Variants in NEB observed in about 807,000 individuals in gnomAD.
NEB encodes nemaline myopathy type 2.
NEB carries 512 observed loss-of-function variants against 952.2 expected under a neutral mutation model. The ratio of observed to expected loss-of-function variants is 0.54; its 90% CI spans 0.50 to 0.58. The LOEUF (loss-of-function observed/expected upper bound fraction) is 0.58, where lower values mean the gene tolerates loss of function less well. Ranked by LOEUF, NEB falls within the 20% of genes least tolerant of loss-of-function variation. The pLI is 0.00. For missense variants in NEB, 8,428 were observed against 9,231.1 expected (o/e 0.91, Z 3.56); for synonymous variants, 2,900 against 3,149.8 (o/e 0.92, Z 2.66).
At chr2:151,651,104 A>G (rs1189854389) in intron 52 of NEB, among the ~76,000 whole-genome samples, 1 of 152,028 alleles carries the variant, frequency 6.6e-6, no homozygotes, top group Non-Finnish European at 1.5e-5. Flanking sequence ...CCTTGTTTTC[A>G]TGTTTGTTTT....
intron 171 of NEB, 33 bp from the exon 172 acceptor site, chr2:151,497,066 CATGAGT>C: frequency 6.5e-7 from 1 of 1,545,576 alleles, no homozygotes; most frequent in East Asian, 2.4e-5. Flanking sequence ...GAAAAACAAC[CATGAGT>C]AACATTTCAT....
Position 151,514,828 on chromosome 2 carries a change from A to G in NEB, c.23006T>C (p.Ile7669Thr), listed in dbSNP as rs1198455162. ...CCAAGTGGGCACTACCTCGCTTGCT[A>G]TTTTAGTTGCATATTTGACATGTAA... ...ALLHVKYATK[I>T]ASEKEYRKDL... Residue 7669 changes from isoleucine (I) to threonine (T), a missense_variant, in exon 158 of 182, where the codon ATA becomes ACA. By Grantham distance (89) the Ile-to-Thr change is moderately conservative. Transcript: ENST00000397345. 1.5e-5 allele frequency: 23 copies of G among 1,573,002 alleles called. No homozygotes were observed. Among genetic ancestry groups the G allele is most frequent in the Admixed American group, 3.7e-5 (2 of 53,926 alleles).
chr2:151,564,355 G>A (rs775092132), intron 117 of NEB, among the ~76,000 whole-genome samples: 3 of 151,850 alleles, frequency 2.0e-5, no homozygotes, highest in Non-Finnish European at 2.9e-5. Context: ...GGGTTTCACC[G>A]TGTTGGCCAA....
chr2:151,706,547 G>T (rs75880964), intron 13 of NEB, among the ~76,000 whole-genome samples: 2 of 152,108 alleles, frequency 1.3e-5, no homozygotes. Flanking sequence ...GTCTCCTTCT[G>T]CTTCTGTCAA....
chr2:151,656,004 T>G lies in NEB; in HGVS notation c.6515A>C (p.Tyr2172Ser), dbSNP rs774357985. The G allele has an allele frequency of 2.5e-6, 4 of 1,613,480 alleles. No homozygotes were observed. In the African/African-American group the frequency reaches 5.3e-5, roughly 22 times the overall value. ...IQSDNEYKQD[Y>S]NEWYKGLGWS... The stretch of plus-strand genomic sequence containing the variant: ...GCCAAGCCCTTTGTACCATTCATTG[T>G]AATCTTGCTTATATTCATTCTATAA... Residue 2172 changes from tyrosine to serine, a missense_variant, in exon 50 of 182, where the codon TAC (tyrosine) becomes TCC (serine). This residue lies in a region of NEB where 2,851 missense variants were observed against 2,791.5 expected (regional missense o/e 1.02). Transcript: ENST00000397345.
chr2:151,669,160 A>G, intron 38 of NEB, 29 bp from the exon 39 acceptor site: 2 of 1,385,932 alleles, frequency 1.4e-6, no homozygotes, highest in Non-Finnish European at 2.0e-6. Context: ...GCATGCACAT[A>G]TCATTAGCTG....
rs1177278436 is a variant in NEB, at chr2:151,493,451, G to GA, written c.24673-7dup. 4 of 1,557,796 alleles carry GA rather than the reference G, an allele frequency of 2.6e-6. No individual in the cohort carries two copies. The Admixed American group carries it at 5.8e-5, about 23-fold the overall frequency. ...ATGTTCTCTTTGTACAATACCTAGG[G>GA]AAGCCAAAAGAGCATCTAGGCATCA... On this transcript the variant is annotated splice_region_variant and splice_polypyrimidine_tract_variant and intron_variant, in intron 175 of 181. Transcript: ENST00000397345.
chr2:151,649,421 ATCC>A (rs2099004393), intron 54 of NEB, among the ~76,000 whole-genome samples: 2 of 152,268 alleles, frequency 1.3e-5, no homozygotes, highest in South Asian at 4.1e-4. Context: ...ATATATTCAG[ATCC>A]TCCTAAGACC....
At position 151,547,467 on chromosome 2, in the gene NEB, C is replaced by T; in HGVS notation, c.20329G>A (p.Val6777Met). 6.2e-7 allele frequency: 1 copy of T among 1,607,470 alleles called. No homozygotes were observed. Among genetic ancestry groups the T allele is most frequent in the Non-Finnish European group, 8.5e-7 (1 of 1,177,174 alleles). ...TCTCCCACATAGCGGCAATGGATCA[C>T]TTGGGGTGTGTATGGCAGAGAGATC... is the stretch of plus-strand genomic sequence containing the variant. ...HMISLPYTPQVIHCRYVGDIT... is the reference protein window; with the variant it reads ...HMISLPYTPQMIHCRYVGDIT... The change falls in exon 133 of 182, where the codon GTG (valine) becomes ATG (methionine). Residue 6777 changes from valine (V) to methionine (M), a missense_variant. By Grantham distance (21) the Val-to-Met change is conservative. Coordinates refer to ENST00000397345, the MANE Select transcript of NEB (RefSeq NM_001164508.2).
In NEB at chr2:151,614,589, T is replaced by C; in HGVS notation, c.11290-2A>G. On this transcript the variant is annotated splice_acceptor_variant, in intron 76 of 181. Coordinates refer to ENST00000397345, the MANE Select transcript of NEB (RefSeq NM_001164508.2). LOFTEE classifies it high-confidence loss of function. ...GCGGTAGCCTTCCTTGTACTTGTAC[T>C]AAAAAAATAGAGATATGAGTATAAT... 1.2e-6 allele frequency: 2 copies of C among 1,609,940 alleles called. No individual in the cohort carries two copies. The highest frequency in any genetic ancestry group is 1.1e-5 in the South Asian group (1 of 90,890).
At chr2:151,577,020 A>G (rs2096891195) in intron 105 of NEB, among the ~76,000 whole-genome samples, 1 of 152,232 alleles carries the variant, frequency 6.6e-6, no homozygotes, top group South Asian at 2.1e-4. Flanking sequence ...GAGGGACTGC[A>G]TGGAAGACTT....
rs2288200 is a variant in NEB at position 151,547,704 on chromosome 2, T to A, written c.20192A>T (p.Asp6731Val). ...GGTATCGGGAGTTGTATGGATCTTG[T>A]CTTTCAGTTTGTGGTACAATTCCCG... ...LYRELYHKLK[D>V]KIHTTPDTPE... Residue 6731 changes from aspartate to valine, a missense_variant, in exon 132 of 182, where the codon GAC becomes GTC. Transcript: ENST00000397345. The A allele has an allele frequency of 0.017, 27,229 of 1,613,510 alleles. 1,437 individuals carry two copies. Among genetic ancestry groups the A allele is most frequent in the East Asian group, 0.14 (6,210 of 44,796 alleles).
rs1351713453 is a variant in NEB at position 151,644,416 on chromosome 2, T to C, written c.7644+52A>G. 16 of 1,494,426 alleles carry C rather than the reference T, an allele frequency of 1.1e-5. No individual in the cohort carries two copies. In the Middle Eastern group the frequency reaches 8.6e-4, roughly 80 times the overall value. The allele number at this position is 1,494,426 out of a possible 1,614,324, so 92.6% of individuals were successfully genotyped here. ...AATTTAAAATTAAATTGAGACTGCTTTGAAGTGATAAATTGCAATCAAATC... is the reference window on the plus strand; with the variant it reads ...AATTTAAAATTAAATTGAGACTGCTCTGAAGTGATAAATTGCAATCAAATC... On this transcript the variant is annotated intron_variant, in intron 56 of 181. Transcript: ENST00000397345.
At chr2:151,523,739 A>G (rs1262051226) in intron 153 of NEB, among the ~76,000 whole-genome samples, 1 of 152,194 alleles carries the variant, frequency 6.6e-6, no homozygotes, top group Non-Finnish European at 1.5e-5. Context: ...GATCTGCAAG[A>G]ATGTGGCATT....
intron 135 of NEB, among the ~76,000 whole-genome samples, chr2:151,543,300 A>C (rs910627513): frequency 2.8e-4 from 42 of 152,374 alleles, no homozygotes; most frequent in African/African-American, 7.9e-4. Flanking sequence ...GATAAAACGT[A>C]AGAAACACAG....
intron 120 of NEB, 24 bp downstream of exon 120, chr2:151,562,587 C>A: frequency 6.5e-7 from 1 of 1,534,858 alleles, no homozygotes; most frequent in South Asian, 1.3e-5. Flanking sequence ...GTAGCTGAGT[C>A]AAGCTGCAGA....
chr2:151,501,165 A>AAAAG (rs1211614066), intron 168 of NEB, among the ~76,000 whole-genome samples: 1 of 152,204 alleles, frequency 6.6e-6, no homozygotes, highest in Non-Finnish European at 1.5e-5. Context: ...CATAAAGATG[A>AAAAG]AAAGAGAAGG....
Position 151,687,432 on chromosome 2 carries a change from T to C in NEB, c.2624A>G (p.Lys875Arg). ...PKMLHSLKTA[K>R]NQSDREYRKD... ...AAAGACACTCACATCACTCTGGTTT[T>C]TGGCTGTCTTCAAGGAGTGCAGCAT... is the stretch of plus-strand genomic sequence containing the variant. Residue 875 changes from lysine to arginine, a missense_variant, in exon 27 of 182, where the codon AAA becomes AGA. By Grantham distance (26) the Lys-to-Arg change is conservative. This residue lies in a region of NEB where 2,851 missense variants were observed against 2,791.5 expected (regional missense o/e 1.02). Coordinates refer to ENST00000397345, the MANE Select transcript of NEB (RefSeq NM_001164508.2). 1 of 1,613,122 alleles carries C rather than the reference T, an allele frequency of 6.2e-7. No individual in the cohort carries two copies. The highest frequency in any genetic ancestry group is 1.1e-5 in the South Asian group (1 of 91,050).
intron 107 of NEB, among the ~76,000 whole-genome samples, chr2:151,571,230 C>G (rs937218016): frequency 5.3e-5 from 8 of 152,202 alleles, no homozygotes; most frequent in Non-Finnish European, 2.9e-5. Flanking sequence ...GTCTCAAACT[C>G]CTGACCCTCA....
Sources: gnomAD v4.1 joint callset for allele counts (sites outside exome capture counted in the v4.1 genomes callset) on GRCh38, gnomAD v4.1.1 for gene constraint, gnomAD v4.1.1 regional missense constraint, MANE v1.5 for transcripts, NCBI Gene and HGNC (gene_info 2026-07-23, HGNC 2026-07-21) for gene names.